The following ZNF516 variants were observed in gnomAD, a reference collection of about 807,000 sequenced individuals.
ZNF516 encodes the protein zinc finger protein 516.
In ZNF516, 19 loss-of-function variants were observed where a neutral mutation model predicts 79.7. The ratio of observed to expected loss-of-function variants is 0.24; its 90% CI spans 0.17 to 0.35. The LOEUF (loss-of-function observed/expected upper bound fraction) is 0.35, where lower values mean the gene tolerates loss of function less well. ZNF516 is among the 10% of genes least tolerant of loss of function. ZNF516 has a pLI of 1.00. For missense variants in ZNF516, 1,678 were observed against 1,679.5 expected (o/e 1.00, Z 0.02); for synonymous variants, 877 against 739.5 (o/e 1.19, Z -3.02).
At chr18:76,447,557 T>C (rs9319648) in intron 2 of ZNF516, among the ~76,000 whole-genome samples, 8,085 of 152,274 alleles carry the variant, frequency 0.053, 434 homozygotes, top group African/African-American at 0.14. Flanking sequence ...CTTGTGCATG[T>C]GAGCCTGCCA....
chr18:76,372,671 C>T (rs929450744), intron 4 of ZNF516: 4 of 152,214 alleles, frequency 2.6e-5, no homozygotes, highest in African/African-American at 9.7e-5. Context: ...ATCATGCTTA[C>T]ACTATAGATC....
rs1280140163 is a variant in ZNF516 at position 76,492,432 on chromosome 18, G to A, written c.-272+2712C>T. 3 of 940,064 alleles carry A rather than the reference G, an allele frequency of 3.2e-6. No individual in the cohort carries two copies. The African/African-American group carries it at 5.3e-5, about 17-fold the overall frequency. The allele number at this position is 940,064 out of a possible 1,614,324, so 58.2% of individuals were successfully genotyped here. Reference sequence around the variant, plus strand: ...GCAGCCAGGGCGCAGCGTTCAGGAGGCGGGTGGGCAGCCGAACTTTCACTG... The same window carrying A: ...GCAGCCAGGGCGCAGCGTTCAGGAGACGGGTGGGCAGCCGAACTTTCACTG... On this transcript the variant is annotated intron_variant, in intron 1 of 6. Coordinates refer to ENST00000443185, the MANE Select transcript of ZNF516 (RefSeq NM_014643.4).
intron 5 of ZNF516, 131 bp from the exon 6 acceptor site, chr18:76,370,726 C>A: frequency 1.4e-6 from 1 of 700,838 alleles, no homozygotes; most frequent in Non-Finnish European, 2.2e-6. Flanking sequence ...TGGAAAATAC[C>A]AATTTACCGT....
At chr18:76,460,177 A>G (rs931326530) in intron 2 of ZNF516, among the ~76,000 whole-genome samples, 1 of 152,214 alleles carries the variant, frequency 6.6e-6, no homozygotes, top group Non-Finnish European at 1.5e-5. Flanking sequence ...GTTAGCAATC[A>G]TAAATCCTCA....
chr18:76,469,401 T>C (rs1599139618), intron 1 of ZNF516, among the ~76,000 whole-genome samples: 1 of 152,336 alleles, frequency 6.6e-6, no homozygotes, highest in African/African-American at 2.4e-5. Flanking sequence ...TTCCACAAAA[T>C]GGACAGTTAA....
chr18:76,406,899 G>A (rs2075311337), intron 3 of ZNF516, among the ~76,000 whole-genome samples: 1 of 152,126 alleles, frequency 6.6e-6, no homozygotes, highest in South Asian at 2.1e-4. Context: ...CCGAGTGGCC[G>A]CATCTCAGTG....
At chr18:76,415,879 A>T (rs1332450089) in intron 3 of ZNF516, among the ~76,000 whole-genome samples, 1 of 152,198 alleles carries the variant, frequency 6.6e-6, no homozygotes, top group Admixed American at 6.5e-5. Context: ...GAAAGTTAGC[A>T]TCTCTCTTAC....
intron 3 of ZNF516, among the ~76,000 whole-genome samples, chr18:76,399,631 C>T (rs2075191597): frequency 1.3e-5 from 2 of 152,214 alleles, no homozygotes; most frequent in African/African-American, 4.8e-5. Context: ...GCGTTCTAAG[C>T]GCTAGAGAGG....
intron 3 of ZNF516, among the ~76,000 whole-genome samples, chr18:76,438,711 C>T (rs1482105975): frequency 6.6e-6 from 1 of 152,188 alleles, no homozygotes; most frequent in Non-Finnish European, 1.5e-5. Flanking sequence ...GTTTCTTTCA[C>T]TTAATCTAAT....
intron 3 of ZNF516, among the ~76,000 whole-genome samples, chr18:76,416,666 C>A (rs1568273603): frequency 6.6e-6 from 1 of 152,346 alleles, no homozygotes; most frequent in East Asian, 1.9e-4. Context: ...ATCGCCTACA[C>A]ACCTAAGCCT....
intron 2 of ZNF516, among the ~76,000 whole-genome samples, chr18:76,452,712 A>AT (rs368230537): frequency 2.3e-4 from 35 of 152,312 alleles, no homozygotes; most frequent in Admixed American, 6.5e-4. Context: ...GTATCACAAT[A>AT]TATTCTCGAA....
chr18:76,421,719 TTACAC>T (rs2075510982), intron 3 of ZNF516, among the ~76,000 whole-genome samples: 2 of 152,318 alleles, frequency 1.3e-5, no homozygotes, highest in East Asian at 3.9e-4. Context: ...GGGCACTACT[TTACAC>T]TAAGTATCAC....
intron 3 of ZNF516, among the ~76,000 whole-genome samples, chr18:76,404,033 G>A (rs1194525976): frequency 6.6e-6 from 1 of 152,224 alleles, no homozygotes; most frequent in Admixed American, 6.5e-5. Context: ...GCAGCCTGGG[G>A]CTCCTGTCCA....
chr18:76,479,711 T>C (rs1394067912), intron 1 of ZNF516, among the ~76,000 whole-genome samples: 6 of 152,198 alleles, frequency 3.9e-5, no homozygotes, highest in African/African-American at 1.4e-4. Context: ...ACATGGGAAA[T>C]ACCAATACAG....
At chr18:76,409,369 G>A (rs568464009) in intron 3 of ZNF516, among the ~76,000 whole-genome samples, 2 of 151,916 alleles carry the variant, frequency 1.3e-5, no homozygotes, top group African/African-American at 2.4e-5. Flanking sequence ...AATCAAATTC[G>A]ATTTCTTAAC....
At chr18:76,474,294 T>G (rs566724703) in intron 1 of ZNF516, among the ~76,000 whole-genome samples, 2 of 152,210 alleles carry the variant, frequency 1.3e-5, no homozygotes, top group African/African-American at 4.8e-5. Flanking sequence ...TTTTGCTAAA[T>G]TGGCAATAGA....
chr18:76,413,325 A>G (rs146394351), intron 3 of ZNF516, among the ~76,000 whole-genome samples: 186 of 152,300 alleles, frequency 1.2e-3, no homozygotes, highest in Middle Eastern at 3.4e-3. Context: ...TAAATTACAC[A>G]TATCTAAAAT....
chr18:76,398,101 C>T (rs1435871190), intron 3 of ZNF516, among the ~76,000 whole-genome samples: 1 of 152,152 alleles, frequency 6.6e-6, no homozygotes, highest in Non-Finnish European at 1.5e-5. Context: ...GTTCCAGAAA[C>T]CTGGAATTTA....
At chr18:76,381,672 G>C (rs540642078) in intron 3 of ZNF516, among the ~76,000 whole-genome samples, 83 of 152,314 alleles carry the variant, frequency 5.4e-4, no homozygotes, top group African/African-American at 1.9e-3. Context: ...ACAAATGCTG[G>C]TTTTCAATCA....
Sources: allele counts gnomAD v4.1 joint callset (sites outside exome capture counted in the v4.1 genomes callset), GRCh38; gene constraint gnomAD v4.1.1; transcripts MANE v1.5; gene names NCBI Gene and HGNC (gene_info 2026-07-23, HGNC 2026-07-21).